EVPL: variants seen among roughly 807,000 people sequenced by gnomAD.
EVPL encodes envoplakin, also known as 210 kDa cornified envelope precursor protein.
Under a neutral mutation model 129.7 loss-of-function variants are expected in EVPL, and 94 were observed. The ratio of observed to expected loss-of-function variants is 0.72; its 90% CI spans 0.61 to 0.86. The LOEUF (loss-of-function observed/expected upper bound fraction) is 0.86, where lower values mean the gene tolerates loss of function less well. Ranked by LOEUF, EVPL falls within the 40% of genes least tolerant of loss-of-function variation. The pLI is 0.00. For synonymous variants in EVPL, 1,172 were observed against 1,191.1 expected (o/e 0.98, Z 0.33); for missense variants, 2,625 against 2,721.1 (o/e 0.96, Z 0.79).
chr17:76,022,687 C>T lies in EVPL; in HGVS notation c.481-149G>A, dbSNP rs1414986382. On this transcript the variant is annotated intron_variant, in intron 4 of 21. Coordinates refer to ENST00000301607, the MANE Select transcript of EVPL (RefSeq NM_001988.4). This position sits in a 1 kb window ranked among gnomAD's most constrained non-coding sequence, Gnocchi z 5.6. ...AGCCCGGGTGCATGCCCTGCAGCTC[C>T]CCCAGGGGCGAGGCCATTCTGCAGT... 7.2e-6 allele frequency: 8 copies of T among 1,114,572 alleles called. No homozygotes were observed. In the South Asian group the frequency reaches 1.1e-4, roughly 16 times the overall value. The allele number at this position is 1,114,572 out of a possible 1,614,324, so 69.0% of individuals were successfully genotyped here.
In EVPL at chr17:76,010,044, T is replaced by C. The variant is rs1598232240; in HGVS notation, c.3161A>G (p.Glu1054Gly). ...GGCCAGTAGCTCCTTCTTCAGCCCT[T>C]CCAGCCGGGCCGAGATGACGGCATC... Reference protein sequence around the residue: ...GEDAVISARLEGLKKELLALE... With the variant: ...GEDAVISARLGGLKKELLALE... The change falls in exon 22 of 22, where the codon GAA becomes GGA. Residue 1054 changes from glutamate to glycine, a missense_variant. Around this residue, in one of 4 missense-constraint regions of EVPL, gnomAD observed 1,453 missense variants for 1,511.8 expected, o/e 0.96. Transcript: ENST00000301607. 1 of 1,612,954 alleles carries C rather than the reference T, an allele frequency of 6.2e-7. No homozygotes were observed. The highest frequency in any genetic ancestry group is 8.5e-7 in the Non-Finnish European group (1 of 1,180,024).
At chr17:76,023,987 G>C (rs759514543) in intron 2 of EVPL, 34 bp downstream of exon 2, 2 of 1,593,466 alleles carry the variant, frequency 1.3e-6, no homozygotes, top group Non-Finnish European at 1.7e-6. Context: ...CACCCAGCCT[G>C]TCCACGCCCT....
chr17:76,019,127 G>A, intron 10 of EVPL, 67 bp from the exon 11 acceptor site: 1 of 1,449,760 alleles, frequency 6.9e-7, no homozygotes, highest in Non-Finnish European at 9.1e-7. Context: ...CACCATACCT[G>A]TCCTTCAAAA....
chr17:76,007,976 G>C lies in EVPL; in HGVS notation c.5229C>G (p.Ser1743Arg), dbSNP rs778352945. The C allele has an allele frequency of 6.2e-7, 1 of 1,614,110 alleles. No homozygotes were observed. Among genetic ancestry groups the C allele is most frequent in the South Asian group, 1.1e-5 (1 of 91,086 alleles). ...CGGCCTCGATGGAGTACTGCTTCCC[G>C]CTCTTGCGGTCCAGGAGCACAGACT... The part of the protein sequence containing the change: ...GEESVLLDRK[S>R]GKQYSIEAAL... Residue 1743 changes from serine (S) to arginine (R), a missense_variant, in exon 22 of 22, where the codon AGC becomes AGG. Ser to Arg is a moderately radical substitution (Grantham distance 110, BLOSUM62 -1). This residue lies in a region of EVPL where 1,453 missense variants were observed against 1,511.8 expected (regional missense o/e 0.96). Transcript: ENST00000301607. This position sits in a 1 kb window ranked among gnomAD's most constrained non-coding sequence, Gnocchi z 8.8.
Position 76,015,209 on chromosome 17 carries a change from C to A in EVPL, c.2028+18G>T. On this transcript the variant is annotated intron_variant, in intron 16 of 21. Transcript: ENST00000301607. ...GCTGGGTTCCCCTGACACCAGGAGG[C>A]CCCGGCTGGTCCCTTACCTGCAGCT... is the stretch of plus-strand genomic sequence containing the variant. 1 of 1,572,940 alleles carries A rather than the reference C, an allele frequency of 6.4e-7. No individual in the cohort carries two copies. Among genetic ancestry groups the A allele is most frequent in the South Asian group, 1.1e-5 (1 of 88,632 alleles).
rs2066375772 is a variant in EVPL, at chr17:76,011,475, AAGG to A, written c.2661+98_2661+100del. ...GCTGCAGGCAGGAGGGAGAGGAGGG[AAGG>A]AGACTACCAGGGTGACAGCCTGGCA... On this transcript the variant is annotated intron_variant, in intron 21 of 21. Transcript: ENST00000301607. 9.6e-6 allele frequency: 10 copies of A among 1,044,034 alleles called. No individual in the cohort carries two copies. In the South Asian group the frequency reaches 1.0e-4, roughly 11 times the overall value. The allele number at this position is 1,044,034 out of a possible 1,614,324, so 64.7% of individuals were successfully genotyped here.
In EVPL at chr17:76,018,988, G is replaced by T; in HGVS notation, c.1210C>A (p.Pro404Thr). The change falls in exon 11 of 22, where the codon CCT becomes ACT. Residue 404 changes from proline (P) to threonine (T), a missense_variant. Pro to Thr is a conservative substitution (Grantham distance 38). Around this residue, in one of 4 missense-constraint regions of EVPL, gnomAD observed 1,024 missense variants for 997.5 expected, o/e 1.03. Coordinates refer to ENST00000301607, the MANE Select transcript of EVPL (RefSeq NM_001988.4). ...DLQRRSRDVA[P>T]LPQRRNPPQQ... is the part of the protein sequence containing the mutation. ...GGGGGGTTTCTTCGCTGTGGCAGAG[G>T]GGCCACATCCCGGCTTCGCCGCTGC... is the stretch of plus-strand genomic sequence containing the variant. 6.4e-7 allele frequency: 1 copy of T among 1,567,626 alleles called. No homozygotes were observed. The highest frequency in any genetic ancestry group is 8.6e-7 in the Non-Finnish European group (1 of 1,162,208).
In EVPL at chr17:76,018,469, A is replaced by C. The variant is rs989327336; in HGVS notation, c.1416T>G (p.Pro472=). ...AACFCIPAPD[P]DAVARASRLA... Reference sequence around the variant, plus strand: ...ACCGGGAGGCCCTGGCCACAGCATCAGGGTCTGGTGCTGGGATGCAGAAGC... The same window carrying C: ...ACCGGGAGGCCCTGGCCACAGCATCCGGGTCTGGTGCTGGGATGCAGAAGC... Residue 472 remains proline (P), a synonymous_variant, in exon 12 of 22, where the codon CCT becomes CCG. Transcript: ENST00000301607. 1.2e-6 allele frequency: 2 copies of C among 1,612,264 alleles called. No homozygotes were observed. The highest frequency in any genetic ancestry group is 2.7e-5 in the African/African-American group (2 of 74,910).
chr17:76,022,575 G>T lies in EVPL; in HGVS notation c.481-37C>A. 1.3e-6 allele frequency: 2 copies of T among 1,561,116 alleles called. No individual in the cohort carries two copies. Among genetic ancestry groups the T allele is most frequent in the Non-Finnish European group, 8.7e-7 (1 of 1,153,806 alleles). On this transcript the variant is annotated intron_variant, in intron 4 of 21. Coordinates refer to ENST00000301607, the MANE Select transcript of EVPL (RefSeq NM_001988.4). This position sits in a 1 kb window ranked among gnomAD's most constrained non-coding sequence, Gnocchi z 5.6. Reference sequence around the variant, plus strand: ...CCGGCGGCTCAGTCCCCAAAGGACCGCGGTGGGGAGCCAGAGAACCCCACA... The same window carrying T: ...CCGGCGGCTCAGTCCCCAAAGGACCTCGGTGGGGAGCCAGAGAACCCCACA...
chr17:76,014,407 G>T lies in EVPL; in HGVS notation c.2373+19C>A. On this transcript the variant is annotated intron_variant, in intron 18 of 21. Coordinates refer to ENST00000301607, the MANE Select transcript of EVPL (RefSeq NM_001988.4). ...GGGGGCCACATGGGCACAGGCAGCT[G>T]TCCCTGCCCCAGCCTCACCTTCTGC... 3 of 1,603,668 alleles carry T rather than the reference G, an allele frequency of 1.9e-6. No individual in the cohort carries two copies. Among genetic ancestry groups the T allele is most frequent in the Non-Finnish European group, 2.6e-6 (3 of 1,175,936 alleles).
Position 76,021,523 on chromosome 17 carries a change from A to C in EVPL, c.956T>G (p.Leu319Arg). The change falls in exon 9 of 22, where the codon CTG becomes CGG. Residue 319 changes from leucine (L) to arginine (R), a missense_variant. This residue lies in a region of EVPL where 1,024 missense variants were observed against 997.5 expected (regional missense o/e 1.03). Coordinates refer to ENST00000301607, the MANE Select transcript of EVPL (RefSeq NM_001988.4). Reference protein sequence around the residue: ...EALKMEWQNFLNLCICQETQL... With the variant: ...EALKMEWQNFRNLCICQETQL... ...GGTCTCCTGGCAGATACACAGGTTC[A>C]GGAAGTTCTGCCACTCCATCTTCAG... is the stretch of plus-strand genomic sequence containing the variant. 2 of 1,609,932 alleles carry C rather than the reference A, an allele frequency of 1.2e-6. No homozygotes were observed. The highest frequency in any genetic ancestry group is 1.7e-6 in the Non-Finnish European group (2 of 1,178,842).
intron 2 of EVPL, 45 bp downstream of exon 2, chr17:76,023,976 C>A (rs774448203): frequency 3.7e-5 from 59 of 1,577,854 alleles, no homozygotes; most frequent in Non-Finnish European, 8.6e-6. Context: ...GCCTCCCATG[C>A]CACCCAGCCT....
Position 76,022,180 on chromosome 17 carries a change from C to G in EVPL, c.645+9G>C. 6.2e-7 allele frequency: 1 copy of G among 1,612,692 alleles called. No homozygotes were observed. Among genetic ancestry groups the G allele is most frequent in the East Asian group, 2.2e-5 (1 of 44,854 alleles). On this transcript the variant is annotated intron_variant, in intron 6 of 21. Coordinates refer to ENST00000301607, the MANE Select transcript of EVPL (RefSeq NM_001988.4). The surrounding 1 kb of genome is among the most constrained non-coding windows in gnomAD (Gnocchi z 5.6). ...GCAGCCTCCCTGCCCGACCCTCCCTCCTGCTCACCAGTAGGTCTCGGTATT... is the reference window on the plus strand; with the variant it reads ...GCAGCCTCCCTGCCCGACCCTCCCTGCTGCTCACCAGTAGGTCTCGGTATT...
rs756325864 is a variant in EVPL at position 76,014,921 on chromosome 17, G to A, written c.2217C>T (p.Asp739=). 5.1e-6 allele frequency: 8 copies of A among 1,581,470 alleles called. No homozygotes were observed. The South Asian group carries it at 7.8e-5, about 15-fold the overall frequency. ...DRYHAVGDQL[D]LREKVVQDAA... is the part of the protein sequence containing the mutation. The stretch of plus-strand genomic sequence containing the variant: ...CCGAGGACCCAGTCGCTCACCGCAG[G>A]TCCAGCTGGTCCCCTACGGCGTGGT... Residue 739 remains aspartate, a synonymous_variant, in exon 17 of 22, where the codon GAC becomes GAT. Coordinates refer to ENST00000301607, the MANE Select transcript of EVPL (RefSeq NM_001988.4).
chr17:76,011,423 C>T, intron 21 of EVPL, 153 bp downstream of exon 21: 1 of 708,146 alleles, frequency 1.4e-6, no homozygotes, highest in South Asian at 1.6e-5. Flanking sequence ...ATCCGCTCCC[C>T]TCTCCAGCAG....
In EVPL at chr17:76,019,558, G is replaced by T. The variant is rs137892588; in HGVS notation, c.1107C>A (p.Gly369=). Residue 369 remains glycine (G), a synonymous_variant, in exon 10 of 22, where the codon GGC becomes GGA. Coordinates refer to ENST00000301607, the MANE Select transcript of EVPL (RefSeq NM_001988.4). ...GCTGTTGCAGCAGCTCTGTGGGGGCGCCAGGGGGGCCCCCAGGTGCAGGGC... is the reference window on the plus strand; with the variant it reads ...GCTGTTGCAGCAGCTCTGTGGGGGCTCCAGGGGGGCCCCCAGGTGCAGGGC... The part of the protein sequence containing the change: ...KYSPAPGGPP[G]APTELLQQLE... 5 of 1,573,014 alleles carry T rather than the reference G, an allele frequency of 3.2e-6. No homozygotes were observed. The African/African-American group carries it at 6.9e-5, about 22-fold the overall frequency.
Position 76,014,449 on chromosome 17 carries a change from C to T in EVPL, c.2350G>A (p.Ala784Thr), listed in dbSNP as rs747012156. ...VRPSDGPSQI[A>T]YKLQAQKRLT... Reference sequence around the variant, plus strand: ...ACCTTCTGCGCCTGCAGCTTGTAGGCGATCTGGCTGGGGCCGTCGCTGGGC... The same window carrying T: ...ACCTTCTGCGCCTGCAGCTTGTAGGTGATCTGGCTGGGGCCGTCGCTGGGC... Residue 784 changes from alanine (A) to threonine (T), a missense_variant, in exon 18 of 22, where the codon GCC (alanine) becomes ACC (threonine). Around this residue, in one of 4 missense-constraint regions of EVPL, gnomAD observed 1,024 missense variants for 997.5 expected, o/e 1.03. Transcript: ENST00000301607. 2 of 1,610,512 alleles carry T rather than the reference C, an allele frequency of 1.2e-6. No homozygotes were observed. Among genetic ancestry groups the T allele is most frequent in the Admixed American group, 1.7e-5 (1 of 59,532 alleles).
In EVPL at chr17:76,008,776, ACTTCTCCAGGTCCGGGTC is replaced by A; in HGVS notation, c.4411_4428del (p.Asp1471_Lys1476del). 5 of 1,613,976 alleles carry A rather than the reference ACTTCTCCAGGTCCGGGTC, an allele frequency of 3.1e-6. No individual in the cohort carries two copies. Among genetic ancestry groups the A allele is most frequent in the Non-Finnish European group, 3.4e-6 (4 of 1,179,974 alleles). ...AGGTCCCACCGCAGGGCTTCCGTGG[ACTTCTCCAGGTCCGGGTC>A]CTTCTCCAGCTTGACCACTTCCTCC... On this transcript the variant is annotated inframe_deletion, in exon 22 of 22. Coordinates refer to ENST00000301607, the MANE Select transcript of EVPL (RefSeq NM_001988.4). This position sits in a 1 kb window ranked among gnomAD's most constrained non-coding sequence, Gnocchi z 7.4.
At chr17:76,018,406 T>G (rs776773905) in intron 12 of EVPL, 40 bp downstream of exon 12, 1 of 1,585,886 alleles carries the variant, frequency 6.3e-7, no homozygotes, top group African/African-American at 1.3e-5. Flanking sequence ...CGGCCTGCTC[T>G]GCCCACAGCC....
Sources: allele counts gnomAD v4.1 joint callset, GRCh38; gene constraint gnomAD v4.1.1; regional missense constraint gnomAD v4.1.1; non-coding constraint Gnocchi (gnomAD v3.1); transcripts MANE v1.5; gene names NCBI Gene and HGNC (gene_info 2026-07-23, HGNC 2026-07-21).